ATP10A: variants seen among roughly 807,000 people sequenced by gnomAD.
ATP10A encodes the protein phospholipid-transporting ATPase VA.
ATP10A carries 111 observed loss-of-function variants against 147.8 expected under a neutral mutation model. The ratio of observed to expected loss-of-function variants is 0.75; its 90% CI spans 0.64 to 0.88. The LOEUF (loss-of-function observed/expected upper bound fraction) is 0.88. ATP10A is among the 40% of genes least tolerant of loss of function. ATP10A has a pLI of 0.00. For synonymous variants in ATP10A, 875 were observed against 841.6 expected (o/e 1.04, Z -0.69); for missense variants, 1,927 against 1,959.0 (o/e 0.98, Z 0.31).
At chr15:25,768,505 A>C (rs1889147175) in intron 2 of ATP10A, among the ~76,000 whole-genome samples, 1 of 149,062 alleles carries the variant, frequency 6.7e-6, no homozygotes, top group Non-Finnish European at 1.5e-5. Flanking sequence ...TTGTGTTTCC[A>C]ATTTCTAATT....
chr15:25,800,471 C>T (rs1032937901), intron 1 of ATP10A, among the ~76,000 whole-genome samples: 2 of 152,182 alleles, frequency 1.3e-5, no homozygotes, highest in African/African-American at 4.8e-5. Context: ...CCTGAGTTCT[C>T]ACCTGCCCTC....
At chr15:25,684,939 C>G (rs1426209429) in intron 16 of ATP10A, among the ~76,000 whole-genome samples, 1 of 152,192 alleles carries the variant, frequency 6.6e-6, no homozygotes, top group Non-Finnish European at 1.5e-5. Context: ...AATATGCAGC[C>G]TTTCCCTACA....
intron 16 of ATP10A, among the ~76,000 whole-genome samples, chr15:25,685,012 G>C (rs950769842): frequency 5.9e-5 from 9 of 152,138 alleles, no homozygotes; most frequent in South Asian, 2.1e-4. Flanking sequence ...TCCTACGGCT[G>C]GCTCTCGCTC....
At position 25,707,971 on chromosome 15, in the gene ATP10A, A is replaced by C. The variant is rs1312399588; in HGVS notation, c.2575+5T>G. The C allele has an allele frequency of 2.5e-6, 4 of 1,613,696 alleles. No homozygotes were observed. In the Admixed American group the frequency reaches 6.7e-5, roughly 27 times the overall value. Reference sequence around the variant, plus strand: ...CCTTAGGCATGCGACTCTCAAGTTAATTACCTAACAAGTGCAGGTTGGTCT... The same window carrying C: ...CCTTAGGCATGCGACTCTCAAGTTACTTACCTAACAAGTGCAGGTTGGTCT... On this transcript the variant is annotated splice_donor_5th_base_variant and intron_variant, in intron 12 of 20. Transcript: ENST00000555815.
chr15:25,835,485 C>A (rs1450942818), intron 1 of ATP10A, among the ~76,000 whole-genome samples: 1 of 152,294 alleles, frequency 6.6e-6, no homozygotes, highest in East Asian at 1.9e-4. Flanking sequence ...GGGCAGGGAC[C>A]ATAGCTGCTT....
At chr15:25,741,036 G>A (rs1272462410) in intron 2 of ATP10A, among the ~76,000 whole-genome samples, 1 of 152,164 alleles carries the variant, frequency 6.6e-6, no homozygotes. Flanking sequence ...GTCTTTTCTG[G>A]AGAAGCCTTC....
rs1899265607 is a variant in ATP10A, at chr15:25,679,634, G to A, written c.4207C>T (p.Leu1403=). The A allele has an allele frequency of 6.2e-7, 1 of 1,613,388 alleles. No homozygotes were observed. The highest frequency in any genetic ancestry group is 1.7e-5 in the Admixed American group (1 of 60,024). Residue 1403 remains leucine, a synonymous_variant, in exon 21 of 21, where the codon CTG becomes TTG. Transcript: ENST00000555815. ...TCAGGACACCCTCCTGGACTCCTCAGGACAGCCTCCCCTGGCGCAGAGGAC... is the reference window on the plus strand; with the variant it reads ...TCAGGACACCCTCCTGGACTCCTCAAGACAGCCTCCCCTGGCGCAGAGGAC... The part of the protein sequence containing the change: ...PMSSAPGEAV[L]RSPGGCPEES...
intron 6 of ATP10A, among the ~76,000 whole-genome samples, chr15:25,723,628 A>G (rs918544550): frequency 3.3e-5 from 5 of 152,138 alleles, no homozygotes; most frequent in Non-Finnish European, 7.3e-5. Flanking sequence ...AAGGAAAAAC[A>G]ACAAAATGAA....
chr15:25,761,842 C>T (rs117197218), intron 2 of ATP10A, among the ~76,000 whole-genome samples: 2,489 of 152,238 alleles, frequency 0.016, 20 homozygotes, highest in South Asian at 0.027. Context: ...AATGAGACTT[C>T]GGACTTGGAC....
intron 9 of ATP10A, among the ~76,000 whole-genome samples, chr15:25,716,377 G>A (rs1477558818): frequency 1.3e-5 from 2 of 152,134 alleles, no homozygotes; most frequent in Non-Finnish European, 2.9e-5. Flanking sequence ...AGGCAGCGAA[G>A]GAAGGACCCA....
intron 7 of ATP10A, among the ~76,000 whole-genome samples, chr15:25,719,511 C>G (rs575289002): frequency 6.6e-6 from 1 of 152,322 alleles, no homozygotes; most frequent in East Asian, 1.9e-4. Flanking sequence ...CTCTGTCCAG[C>G]ATGAGGTGAG....
intron 3 of ATP10A, among the ~76,000 whole-genome samples, chr15:25,732,092 A>T (rs1358421283): frequency 6.6e-6 from 1 of 152,130 alleles, no homozygotes; most frequent in East Asian, 1.9e-4. Flanking sequence ...GGCTGCTCTT[A>T]AACTCCTAAC....
chr15:25,780,110 T>C (rs1007509358), intron 2 of ATP10A, among the ~76,000 whole-genome samples: 2 of 152,298 alleles, frequency 1.3e-5, no homozygotes, highest in African/African-American at 4.8e-5. Context: ...CTCCCTACAG[T>C]GCCCTCGCTG....
intron 2 of ATP10A, among the ~76,000 whole-genome samples, chr15:25,757,355 T>C (rs1888470894): frequency 6.6e-6 from 1 of 152,044 alleles, no homozygotes; most frequent in African/African-American, 2.4e-5. Context: ...AAAATAAAGG[T>C]TAAAATTCTA....
Position 25,798,783 on chromosome 15 carries a change from T to C in ATP10A, c.450-17560A>G, listed in dbSNP as rs1256587328. On this transcript the variant is annotated intron_variant, in intron 1 of 20. Coordinates refer to ENST00000555815, the MANE Select transcript of ATP10A (RefSeq NM_024490.4). Reference sequence around the variant, plus strand: ...CTGCAGACCGTGGGGCAAAACCGATTCTGTGATTCTGTTGGAGCTGCCTGA... The same window carrying C: ...CTGCAGACCGTGGGGCAAAACCGATCCTGTGATTCTGTTGGAGCTGCCTGA... Among the ~76,000 whole-genome samples the C allele has an allele frequency of 2.0e-5, 3 of 152,098 alleles. No homozygotes were observed. The East Asian group carries it at 5.8e-4, about 29-fold the overall frequency.
Position 25,840,058 on chromosome 15 carries a change from C to T in ATP10A, c.449+22590G>A, listed in dbSNP as rs984579176. Among the ~76,000 whole-genome samples the T allele has an allele frequency of 5.9e-5, 9 of 152,214 alleles. No homozygotes were observed. The East Asian group carries it at 9.6e-4, about 16-fold the overall frequency. On this transcript the variant is annotated intron_variant, in intron 1 of 20. Coordinates refer to ENST00000555815, the MANE Select transcript of ATP10A (RefSeq NM_024490.4). Reference sequence around the variant, plus strand: ...CTGGGGCCACGTTCACCCCCTCCTGCATCCCTAACCCCTGGCAAACACTAA... The same window carrying T: ...CTGGGGCCACGTTCACCCCCTCCTGTATCCCTAACCCCTGGCAAACACTAA...
At chr15:25,833,796 C>T (rs1361440981) in intron 1 of ATP10A, among the ~76,000 whole-genome samples, 1 of 152,054 alleles carries the variant, frequency 6.6e-6, no homozygotes, top group Non-Finnish European at 1.5e-5. Flanking sequence ...TACGGTGAAA[C>T]CCCATCTCTA....
intron 1 of ATP10A, among the ~76,000 whole-genome samples, chr15:25,827,468 C>T (rs933666441): frequency 1.3e-5 from 2 of 152,134 alleles, no homozygotes; most frequent in Non-Finnish European, 2.9e-5. Context: ...ACAAGGTATA[C>T]AAGATGTAAT....
intron 1 of ATP10A, among the ~76,000 whole-genome samples, chr15:25,859,569 G>T (rs1361057248): frequency 6.6e-6 from 1 of 152,036 alleles, no homozygotes; most frequent in East Asian, 1.9e-4. Context: ...CCACAGGCAG[G>T]ACCTAACCCC....
Sources: allele counts gnomAD v4.1 joint callset (sites outside exome capture counted in the v4.1 genomes callset), GRCh38; gene constraint gnomAD v4.1.1; transcripts MANE v1.5; gene names NCBI Gene and HGNC (gene_info 2026-07-23, HGNC 2026-07-21).